The following CORIN variants were observed in gnomAD, a reference collection of about 807,000 sequenced individuals.
CORIN encodes atrial natriuretic peptide-converting enzyme.
A neutral mutation model predicts 125.3 loss-of-function variants in CORIN; 117 were observed. The ratio of observed to expected loss-of-function variants is 0.93; its 90% CI spans 0.80 to 1.09. The LOEUF (loss-of-function observed/expected upper bound fraction) is 1.09. CORIN is among the 50% of genes least tolerant of loss of function. The pLI is 0.00. For missense variants in CORIN, 1,253 were observed against 1,306.7 expected, an observed-to-expected ratio of 0.96 and a Z score of 0.63; for synonymous variants, 450 against 466.4, an observed-to-expected ratio of 0.96 and a Z score of 0.45.
At chr4:47,619,541 T>A (rs1722217560) in intron 19 of CORIN, among the ~76,000 whole-genome samples, 1 of 152,264 alleles carries the variant, frequency 6.6e-6, no homozygotes, top group Non-Finnish European at 1.5e-5. Flanking sequence ...ATTTTCTAAC[T>A]TCTTCTGGAT....
At chr4:47,805,148 A>ATAATAAT (rs1553919341) in intron 2 of CORIN, among the ~76,000 whole-genome samples, 5 of 129,166 alleles carry the variant, frequency 3.9e-5, no homozygotes, top group African/African-American at 5.9e-5. Context: ...AAAAAAAAAA[A>ATAATAAT]AATAATAATA....
chr4:47,653,713 A>G (rs3805392), intron 12 of CORIN, 53 bp from the exon 13 acceptor site: 153,692 of 1,446,900 alleles, frequency 0.11, 12,033 homozygotes, highest in East Asian at 0.47. Flanking sequence ...AACATCAGCT[A>G]ATTTATGTAT....
At chr4:47,796,888 C>G (rs2109934754) in intron 2 of CORIN, among the ~76,000 whole-genome samples, 1 of 152,162 alleles carries the variant, frequency 6.6e-6, no homozygotes, top group African/African-American at 2.4e-5. Flanking sequence ...TCCCTCATCT[C>G]AGCCCAGTTT....
chr4:47,776,154 G>T (rs1730289597), intron 3 of CORIN, among the ~76,000 whole-genome samples: 1 of 151,152 alleles, frequency 6.6e-6, no homozygotes, highest in Non-Finnish European at 1.5e-5. Context: ...CGAGTAGCTG[G>T]GACTACAGGC....
In CORIN at chr4:47,653,663, A is replaced by G. The variant is rs1167686107; in HGVS notation, c.1736-3T>C. 1.2e-6 allele frequency: 2 copies of G among 1,611,198 alleles called. No homozygotes were observed. Among genetic ancestry groups the G allele is most frequent in the East Asian group, 2.2e-5 (1 of 44,834 alleles). On this transcript the variant is annotated splice_region_variant and splice_polypyrimidine_tract_variant and intron_variant, in intron 12 of 21. Transcript: ENST00000273857. The stretch of plus-strand genomic sequence containing the variant: ...CTTGAAATGACTAGGTGAGCATTCT[A>G]TTAAAAACAATATTACTGTTAAAGG...
Position 47,774,364 on chromosome 4 carries a change from T to C in CORIN, c.410-10778A>G, listed in dbSNP as rs543216379. ...CCCTGCACTCCCGGGTGTGAAAGTA[T>C]GTTTAGTTCATATTATTAAACATGG... On this transcript the variant is annotated intron_variant, in intron 3 of 21. Coordinates refer to ENST00000273857, the MANE Select transcript of CORIN (RefSeq NM_006587.4). Among the ~76,000 whole-genome samples the C allele has an allele frequency of 5.3e-5, 8 of 152,342 alleles. No individual in the cohort carries two copies. The South Asian group carries it at 1.7e-3, about 32-fold the overall frequency.
At chr4:47,654,086 T>A (rs926592350) in intron 12 of CORIN, among the ~76,000 whole-genome samples, 5 of 152,200 alleles carry the variant, frequency 3.3e-5, no homozygotes, top group African/African-American at 1.2e-4. Flanking sequence ...AAATGTTTTT[T>A]ACTTGAAGGA....
chr4:47,696,427 A>C (rs1173361332), intron 5 of CORIN, among the ~76,000 whole-genome samples: 1 of 152,202 alleles, frequency 6.6e-6, no homozygotes, highest in East Asian at 1.9e-4. Flanking sequence ...TGTGCAAAGT[A>C]CTATTCTAGC....
chr4:47,731,850 C>G (rs1353935203), intron 5 of CORIN, among the ~76,000 whole-genome samples: 1 of 149,646 alleles, frequency 6.7e-6, no homozygotes, highest in African/African-American at 2.5e-5. Flanking sequence ...GCCTGGGTGA[C>G]AGAGCAAGAC....
chr4:47,789,173 G>A (rs1730951776), intron 2 of CORIN, among the ~76,000 whole-genome samples: 1 of 151,954 alleles, frequency 6.6e-6, no homozygotes, highest in Non-Finnish European at 1.5e-5. Context: ...GCATGGTGGC[G>A]GGCACCTGTA....
chr4:47,683,270 T>C (rs1725367940), intron 7 of CORIN: 1 of 153,972 alleles, frequency 6.5e-6, no homozygotes, highest in African/African-American at 2.4e-5. Flanking sequence ...ATCCTAACCC[T>C]GGGTGTAGCT....
At chr4:47,677,758 G>A (rs1725091526) in intron 9 of CORIN, among the ~76,000 whole-genome samples, 180 bp downstream of exon 9, 1 of 152,320 alleles carries the variant, frequency 6.6e-6, no homozygotes, top group East Asian at 1.9e-4. Context: ...AGTTGCTTGA[G>A]AATTATGTTT....
chr4:47,688,601 CA>C (rs966230176), intron 6 of CORIN, among the ~76,000 whole-genome samples: 23 of 151,142 alleles, frequency 1.5e-4, no homozygotes, highest in African/African-American at 5.6e-4. Flanking sequence ...GACTCCATCT[CA>C]AAAAAAAATT....
chr4:47,640,581 T>C (rs1018370284), intron 16 of CORIN, among the ~76,000 whole-genome samples: 11 of 152,332 alleles, frequency 7.2e-5, no homozygotes, highest in Admixed American at 7.2e-4. Flanking sequence ...TTGCACAACA[T>C]TGTGAATAAA....
intron 3 of CORIN, among the ~76,000 whole-genome samples, chr4:47,784,049 A>G (rs1730672070): frequency 6.6e-6 from 1 of 152,148 alleles, no homozygotes; most frequent in Non-Finnish European, 1.5e-5. Flanking sequence ...TAGGCAAGTG[A>G]TACTGGATAC....
intron 2 of CORIN, among the ~76,000 whole-genome samples, chr4:47,804,872 G>A (rs1731703728): frequency 6.6e-6 from 1 of 151,856 alleles, no homozygotes; most frequent in African/African-American, 2.4e-5. Context: ...AGTATAATTG[G>A]ATTATAAAAA....
At chr4:47,669,556 T>C (rs1325379437) in intron 10 of CORIN, among the ~76,000 whole-genome samples, 3 of 85,474 alleles carry the variant, frequency 3.5e-5, no homozygotes, top group Non-Finnish European at 5.4e-5. Flanking sequence ...TGCTCTTCTA[T>C]ATATATATAT....
intron 2 of CORIN, among the ~76,000 whole-genome samples, chr4:47,789,747 G>A (rs182214445): frequency 3.1e-4 from 47 of 152,214 alleles, no homozygotes; most frequent in African/African-American, 7.9e-4. Flanking sequence ...GAGGCCGGGC[G>A]CGGTGGCTCA....
At chr4:47,722,309 C>T (rs1267621369) in intron 5 of CORIN, among the ~76,000 whole-genome samples, 5 of 152,200 alleles carry the variant, frequency 3.3e-5, no homozygotes, top group Non-Finnish European at 4.4e-5. Context: ...TTAAAGGAAT[C>T]AATTTCCACA....
Sources: gnomAD v4.1 joint callset for allele counts (sites outside exome capture counted in the v4.1 genomes callset) on GRCh38, gnomAD v4.1.1 for gene constraint, MANE v1.5 for transcripts, NCBI Gene and HGNC (gene_info 2026-07-23, HGNC 2026-07-21) for gene names.